Variants in MYSM1 observed in about 807,000 individuals in gnomAD.
MYSM1 encodes Myb like, SWIRM and MPN domains 1, also known as deubiquitinase MYSM1.
In MYSM1, 51 loss-of-function variants were observed where a neutral mutation model predicts 116.0. The ratio of observed to expected loss-of-function variants is 0.44; its 90% CI spans 0.35 to 0.56. The LOEUF is 0.56. MYSM1 is among the 20% of genes least tolerant of loss of function. MYSM1 has a pLI of 0.00. For missense variants in MYSM1, 900 were observed against 974.9 expected (o/e 0.92, Z 1.02); for synonymous variants, 313 against 315.2 (o/e 0.99, Z 0.07).
intron 8 of MYSM1, among the ~76,000 whole-genome samples, chr1:58,680,941 C>T (rs1049219187): frequency 1.3e-5 from 2 of 151,946 alleles, no homozygotes; most frequent in South Asian, 4.1e-4. Flanking sequence ...CCTGCCTCAG[C>T]ATCCTGAGTA....
intron 3 of MYSM1, among the ~76,000 whole-genome samples, chr1:58,690,851 C>G (rs1644895174): frequency 6.6e-6 from 1 of 152,000 alleles, no homozygotes; most frequent in South Asian, 2.1e-4. Context: ...GTTGGTTGTC[C>G]AAGGCAATTC....
intron 1 of MYSM1, chr1:58,699,690 G>A: frequency 1.0e-6 from 1 of 985,428 alleles, no homozygotes; most frequent in Non-Finnish European, 1.2e-6. Context: ...GGAGGGAACG[G>A]AAGAAGGAAT....
At chr1:58,664,750 T>C (rs1235440688) in intron 17 of MYSM1, among the ~76,000 whole-genome samples, 3 of 152,214 alleles carry the variant, frequency 2.0e-5, no homozygotes, top group African/African-American at 7.2e-5. Context: ...CAGTATTTAT[T>C]CTCAAAGAGC....
rs369867916 is a variant in MYSM1, at chr1:58,662,383, C to A, written c.2165-872G>T. Among the ~76,000 whole-genome samples, 204 of 151,992 alleles carry A rather than the reference C, an allele frequency of 1.3e-3. 2 individuals carry two copies. Among genetic ancestry groups the A allele is most frequent in the African/African-American group, 4.5e-3 (187 of 41,476 alleles). On this transcript the variant is annotated intron_variant, in intron 17 of 19. Coordinates refer to ENST00000472487, the MANE Select transcript of MYSM1 (RefSeq NM_001085487.3). ...AAAGGCTGATACCATCATAGTAACA[C>A]TTATAATGCATACTATGTGCCACCT... is the stretch of plus-strand genomic sequence containing the variant.
At position 58,699,986 on chromosome 1, in the gene MYSM1, C is replaced by T. The variant is rs1569824054; in HGVS notation, c.67G>A (p.Gly23Arg). ...DVVAAAGAQP[G>R]SGENTASVLQ... The stretch of plus-strand genomic sequence containing the variant: ...AGAGACCCGGTCTCTAAGCCTCACC[C>T]TGGCTGTGCCCCCGCCGCCGCTACC... Residue 23 changes from glycine to arginine, a missense_variant and splice_region_variant, in exon 1 of 20, where the codon GGA becomes AGA. Around this residue, in one of 3 missense-constraint regions of MYSM1, gnomAD observed 622 missense variants for 623.7 expected, o/e 1.00. Transcript: ENST00000472487. The T allele has an allele frequency of 6.2e-7, 1 of 1,613,586 alleles. No homozygotes were observed. The highest frequency in any genetic ancestry group is 1.6e-4 in the Middle Eastern group (1 of 6,062).
intron 11 of MYSM1, among the ~76,000 whole-genome samples, chr1:58,673,202 A>G (rs1644589740): frequency 6.8e-6 from 1 of 146,344 alleles, no homozygotes; most frequent in Admixed American, 6.9e-5. Context: ...AAATATATAT[A>G]TTTAGAACAC....
In MYSM1 at chr1:58,685,218, T is replaced by C; in HGVS notation, c.433A>G (p.Lys145Glu). The C allele has an allele frequency of 6.2e-7, 1 of 1,608,260 alleles. No individual in the cohort carries two copies. The highest frequency in any genetic ancestry group is 8.5e-7 in the Non-Finnish European group (1 of 1,178,232). ...AAAACAGTGCGGCTTCCAATTAGCTTTGAAATTTTGGTCCATCTTCGGCCA... is the reference window on the plus strand; with the variant it reads ...AAAACAGTGCGGCTTCCAATTAGCTCTGAAATTTTGGTCCATCTTCGGCCA... ...KFGRRWTKISKLIGSRTVLQV... is the reference protein window; with the variant it reads ...KFGRRWTKISELIGSRTVLQV... The change falls in exon 7 of 20, where the codon AAG (lysine) becomes GAG (glutamate). Residue 145 changes from lysine (K) to glutamate (E), a missense_variant. Coordinates refer to ENST00000472487, the MANE Select transcript of MYSM1 (RefSeq NM_001085487.3).
At position 58,667,938 on chromosome 1, in the gene MYSM1, A is replaced by G; in HGVS notation, c.1768-17T>C. 1 of 1,597,726 alleles carries G rather than the reference A, an allele frequency of 6.3e-7. No homozygotes were observed. The highest frequency in any genetic ancestry group is 8.6e-7 in the Non-Finnish European group (1 of 1,165,208). On this transcript the variant is annotated splice_polypyrimidine_tract_variant and intron_variant, in intron 14 of 19. Transcript: ENST00000472487. ...ATGAGCATGCTAAAAGAAATACAAG[A>G]CAGACTTAGCCCAAACGCACAAACC...
Position 58,690,240 on chromosome 1 carries a change from T to C in MYSM1, c.306A>G (p.Lys102=), listed in dbSNP as rs774875155. 1 of 1,573,910 alleles carries C rather than the reference T, an allele frequency of 6.4e-7. No homozygotes were observed. The highest frequency in any genetic ancestry group is 2.3e-5 in the East Asian group (1 of 44,086). ...TAAGTACATACATGATTTTTGCTGTTTTCTGCAGACTGCATCACATGAAAA... is the reference window on the plus strand; with the variant it reads ...TAAGTACATACATGATTTTTGCTGTCTTCTGCAGACTGCATCACATGAAAA... ...DDKKYMKSLQ[K]TAKIMVHSPT... The change falls in exon 5 of 20, where the codon AAA becomes AAG. Residue 102 remains lysine, a synonymous_variant. Coordinates refer to ENST00000472487, the MANE Select transcript of MYSM1 (RefSeq NM_001085487.3).
intron 17 of MYSM1, among the ~76,000 whole-genome samples, chr1:58,664,999 A>T (rs919319480): frequency 2.6e-5 from 4 of 152,230 alleles, no homozygotes; most frequent in Non-Finnish European, 4.4e-5. Flanking sequence ...CAGGGGAATC[A>T]AGTCAGATGA....
At chr1:58,664,417 G>A (rs1245646234) in intron 17 of MYSM1, among the ~76,000 whole-genome samples, 1 of 152,132 alleles carries the variant, frequency 6.6e-6, no homozygotes, top group Non-Finnish European at 1.5e-5. Context: ...CAATTTATTA[G>A]GTGCTACTTG....
chr1:58,680,692 C>T lies in MYSM1; in HGVS notation c.1259+1093G>A, dbSNP rs1644727336. On this transcript the variant is annotated intron_variant, in intron 8 of 19. Coordinates refer to ENST00000472487, the MANE Select transcript of MYSM1 (RefSeq NM_001085487.3). ...TAACAATAGCAATAGGACAGGAAGG[C>T]TTTCCATACAAAAGAGAACAAAGGA... Among the ~76,000 whole-genome samples, 3 of 152,182 alleles carry T rather than the reference C, an allele frequency of 2.0e-5. No homozygotes were observed. In the South Asian group the frequency reaches 6.2e-4, roughly 31 times the overall value.
chr1:58,684,337 G>A (rs1013657919), intron 7 of MYSM1, among the ~76,000 whole-genome samples: 4 of 152,036 alleles, frequency 2.6e-5, no homozygotes, highest in African/African-American at 9.6e-5. Context: ...AGGCCGAGGC[G>A]GGTGGATCAC....
chr1:58,664,229 T>C (rs1644435472), intron 17 of MYSM1, among the ~76,000 whole-genome samples: 1 of 152,176 alleles, frequency 6.6e-6, no homozygotes, highest in Non-Finnish European at 1.5e-5. Context: ...TTAAAGATGG[T>C]TTAAAAATGA....
In MYSM1 at chr1:58,660,064, G is replaced by T. The variant is rs1644369024; in HGVS notation, c.2420C>A (p.Ser807Tyr). 7 of 1,610,126 alleles carry T rather than the reference G, an allele frequency of 4.3e-6. No homozygotes were observed. Among genetic ancestry groups the T allele is most frequent in the Non-Finnish European group, 5.1e-6 (6 of 1,177,710 alleles). Residue 807 changes from serine to tyrosine, a missense_variant, in exon 20 of 20, where the codon TCC (serine) becomes TAC (tyrosine). Ser to Tyr is a moderately radical substitution (Grantham distance 144). This residue lies in a region of MYSM1 where 186 missense variants were observed against 196.2 expected (regional missense o/e 0.95). Coordinates refer to ENST00000472487, the MANE Select transcript of MYSM1 (RefSeq NM_001085487.3). Reference sequence around the variant, plus strand: ...ATTCTCTTGGTTGCTTTTATAATTGGAAAGGAACAAATTTTCTATTTCAGT... The same window carrying T: ...ATTCTCTTGGTTGCTTTTATAATTGTAAAGGAACAAATTTTCTATTTCAGT... ...FLTEIENLFL[S>Y]NYKSNQENGV...
At chr1:58,699,959 A>G in intron 1 of MYSM1, 26 bp downstream of exon 1, 1 of 1,612,956 alleles carries the variant, frequency 6.2e-7, no homozygotes. Flanking sequence ...TCTCCGCCCC[A>G]GAGAGACCCG....
intron 12 of MYSM1, among the ~76,000 whole-genome samples, chr1:58,669,439 C>T (rs116627659): frequency 0.027 from 4,044 of 152,230 alleles, 181 homozygotes; most frequent in African/African-American, 0.09. Flanking sequence ...AATGTGCCCA[C>T]TATAGAATAG....
chr1:58,670,161 T>C (rs1458439935), intron 12 of MYSM1, among the ~76,000 whole-genome samples: 1 of 152,158 alleles, frequency 6.6e-6, no homozygotes, highest in Non-Finnish European at 1.5e-5. Flanking sequence ...GTGCCTGACA[T>C]ATACAGTACA....
intron 6 of MYSM1, 88 bp from the exon 7 acceptor site, chr1:58,685,339 CT>C: frequency 3.0e-6 from 2 of 668,980 alleles, no homozygotes; most frequent in Non-Finnish European, 4.8e-6. Flanking sequence ...AAAAAAAAAA[CT>C]TAAAAAAAAA....
Sources: allele counts gnomAD v4.1 joint callset (sites outside exome capture counted in the v4.1 genomes callset), GRCh38; gene constraint gnomAD v4.1.1; regional missense constraint gnomAD v4.1.1; transcripts MANE v1.5; gene names NCBI Gene and HGNC (gene_info 2026-07-23, HGNC 2026-07-21).